The following PAQR5 variants were observed in gnomAD, a reference collection of about 807,000 sequenced individuals.
The protein encoded by PAQR5 is membrane progestin receptor gamma.
Under a neutral mutation model 34.5 loss-of-function variants are expected in PAQR5, and 20 were observed. The ratio of observed to expected loss-of-function variants is 0.58; its 90% CI spans 0.41 to 0.84. The LOEUF (loss-of-function observed/expected upper bound fraction) is 0.84. Among genes scored for constraint, PAQR5 ranks in the 40% least tolerant of loss-of-function variants. The pLI is 0.00. For synonymous variants in PAQR5, 131 were observed against 155.6 expected (o/e 0.84, Z 1.18); for missense variants, 378 against 412.7 (o/e 0.92, Z 0.73).
chr15:69,340,903 C>T (rs2054623826), intron 2 of PAQR5, among the ~76,000 whole-genome samples: 1 of 151,900 alleles, frequency 6.6e-6, no homozygotes, highest in Non-Finnish European at 1.5e-5. Flanking sequence ...TATTTTTTTT[C>T]TGGAAGATTT....
At chr15:69,359,378 G>A (rs8030449) in intron 2 of PAQR5, among the ~76,000 whole-genome samples, 12,938 of 152,110 alleles carry the variant, frequency 0.085, 865 homozygotes, top group African/African-American at 0.17. Flanking sequence ...TTATTTGGCC[G>A]GGGGGCATCA....
intron 1 of PAQR5, among the ~76,000 whole-genome samples, chr15:69,320,362 C>T (rs2054065333): frequency 6.6e-6 from 1 of 152,212 alleles, no homozygotes. Context: ...CCTTGGTGAG[C>T]TGGATTTAAA....
chr15:69,311,037 G>T (rs28433616), intron 1 of PAQR5, among the ~76,000 whole-genome samples: 5,977 of 25,144 alleles, frequency 0.24, 595 homozygotes, highest in African/African-American at 0.46. Context: ...AGACTCCGTC[G>T]CAAAAAATAA....
chr15:69,336,736 AAGAG>A (rs1205662152), intron 1 of PAQR5, among the ~76,000 whole-genome samples: 1 of 152,226 alleles, frequency 6.6e-6, no homozygotes, highest in Non-Finnish European at 1.5e-5. Flanking sequence ...TTTCAAAAGA[AAGAG>A]AGAATGGTGT....
In PAQR5 at chr15:69,357,254, G is replaced by GTGTTTGTTTGTTTGTT. The variant is rs3084830; in HGVS notation, c.-115-2702_-115-2687dup. Among the ~76,000 whole-genome samples, 436 of 149,476 alleles carry GTGTTTGTTTGTTTGTT rather than the reference G, an allele frequency of 2.9e-3. 3 individuals are homozygous for GTGTTTGTTTGTTTGTT. Among genetic ancestry groups the GTGTTTGTTTGTTTGTT allele is most frequent in the African/African-American group, 8.4e-3 (334 of 39,784 alleles). ...TCTTTATAAATTACCCAGTCTCAGG[G>GTGTTTGTTTGTTTGTT]TGTTTGTTTGTTTGTTTGTTTGTTT... On this transcript the variant is annotated intron_variant, in intron 2 of 8. Transcript: ENST00000395407.
At chr15:69,369,255 G>T (rs1426510433) in intron 3 of PAQR5, among the ~76,000 whole-genome samples, 1 of 152,120 alleles carries the variant, frequency 6.6e-6, no homozygotes, top group Non-Finnish European at 1.5e-5. Flanking sequence ...TAGAAATCCG[G>T]CTGGGTGTGG....
chr15:69,299,019 G>C lies in PAQR5; in HGVS notation c.-314G>C, dbSNP rs968550778. 6.6e-6 allele frequency: 1 copy of C among 152,028 alleles called. No individual in the cohort carries two copies. Among genetic ancestry groups the C allele is most frequent in the Admixed American group, 6.5e-5 (1 of 15,268 alleles). The allele number at this position is 152,028 out of a possible 1,614,324, so 9.4% of individuals were successfully genotyped here. A position where few individuals can be genotyped will look rare whatever the true frequency, so the allele number is the denominator to read the frequency against. On this transcript the variant is annotated 5_prime_UTR_variant, in exon 1 of 9. Coordinates refer to ENST00000395407, the MANE Select transcript of PAQR5 (RefSeq NM_017705.4). ...TCCGGCCTGCCTGTGCTGTCCCCGC[G>C]CCCTGTCCACTGGACTCCCGAGACC...
At position 69,372,443 on chromosome 15, in the gene PAQR5, T is replaced by G. The variant is rs188090698; in HGVS notation, c.52-7440T>G. On this transcript the variant is annotated intron_variant, in intron 3 of 8. Coordinates refer to ENST00000395407, the MANE Select transcript of PAQR5 (RefSeq NM_017705.4). Reference sequence around the variant, plus strand: ...CTGTAATTCCAGCTACTCAGGAGGATGAGGCAGGAGAATCACTTGAATTCG... The same window carrying G: ...CTGTAATTCCAGCTACTCAGGAGGAGGAGGCAGGAGAATCACTTGAATTCG... Among the ~76,000 whole-genome samples, 7 of 152,246 alleles carry G rather than the reference T, an allele frequency of 4.6e-5. No individual in the cohort carries two copies. The East Asian group carries it at 1.4e-3, about 29-fold the overall frequency.
At position 69,353,540 on chromosome 15, in the gene PAQR5, C is replaced by G. The variant is rs985798525; in HGVS notation, c.-115-6426C>G. Among the ~76,000 whole-genome samples the G allele has an allele frequency of 3.2e-4, 49 of 152,302 alleles. 1 individual carries two copies. The highest frequency in any genetic ancestry group is 2.4e-4 in the Non-Finnish European group (16 of 68,022). ...CTGGCTTGACAGAACAGTAGAATGG[C>G]CTTTTGAAGTCATAATTACAGAGCC... On this transcript the variant is annotated intron_variant, in intron 2 of 8. Transcript: ENST00000395407.
At chr15:69,393,305 G>A (rs2056322588) in intron 6 of PAQR5, among the ~76,000 whole-genome samples, 2 of 152,272 alleles carry the variant, frequency 1.3e-5, no homozygotes, top group South Asian at 2.1e-4. Flanking sequence ...GGTGTCTGGA[G>A]AGTGAGAAAG....
chr15:69,385,858 C>T lies in PAQR5; in HGVS notation c.385+976C>T, dbSNP rs541109357. On this transcript the variant is annotated intron_variant, in intron 5 of 8. Transcript: ENST00000395407. This position sits in a 1 kb window ranked among gnomAD's most constrained non-coding sequence, Gnocchi z 4.7. ...CATATACACAATACACTTACATGCA[C>T]ACACACACACCACATGCCACATGTA... 5.5e-4 allele frequency among the ~76,000 whole-genome samples: 83 copies of T among 151,378 alleles called. No homozygotes were observed. The highest frequency in any genetic ancestry group is 1.9e-3 in the African/African-American group (80 of 41,276).
intron 1 of PAQR5, among the ~76,000 whole-genome samples, chr15:69,317,067 G>A (rs112724095): frequency 1.3e-5 from 2 of 152,156 alleles, no homozygotes; most frequent in Non-Finnish European, 2.9e-5. Flanking sequence ...TGATCTGCCC[G>A]CCTCAGCCCC....
At chr15:69,342,895 G>A (rs1380038742) in intron 2 of PAQR5, among the ~76,000 whole-genome samples, 2 of 152,218 alleles carry the variant, frequency 1.3e-5, no homozygotes, top group East Asian at 3.8e-4. Context: ...AAAGAAGCCA[G>A]CTCCTCCTAC....
chr15:69,377,791 C>T (rs1445099015), intron 3 of PAQR5, among the ~76,000 whole-genome samples: 1 of 152,158 alleles, frequency 6.6e-6, no homozygotes, highest in Admixed American at 6.5e-5. Context: ...CAGCCCCTCA[C>T]CTTCTGCACT....
At chr15:69,330,450 C>T (rs369837692) in intron 1 of PAQR5, among the ~76,000 whole-genome samples, 11 of 152,182 alleles carry the variant, frequency 7.2e-5, no homozygotes, top group African/African-American at 2.4e-4. Flanking sequence ...AGGAGTCATG[C>T]AGTTGGAGGC....
chr15:69,302,931 C>G (rs1281383351), intron 1 of PAQR5, among the ~76,000 whole-genome samples: 3 of 152,178 alleles, frequency 2.0e-5, no homozygotes, highest in African/African-American at 7.2e-5. Context: ...GCCATGTCCC[C>G]CTGCTTCTTC....
chr15:69,327,368 CCTT>C (rs2140646135), intron 1 of PAQR5, among the ~76,000 whole-genome samples: 1 of 152,188 alleles, frequency 6.6e-6, no homozygotes, highest in South Asian at 2.1e-4. Context: ...GTGTGCCCCT[CCTT>C]CTCATTGTAG....
At chr15:69,383,243 C>G (rs2055961680) in intron 4 of PAQR5, among the ~76,000 whole-genome samples, 9 of 130,804 alleles carry the variant, frequency 6.9e-5, no homozygotes, top group Middle Eastern at 3.9e-3. Flanking sequence ...AGCAGGTCCT[C>G]CATGTTCATC....
intron 1 of PAQR5, among the ~76,000 whole-genome samples, chr15:69,311,038 C>CCAA (rs2053822007): frequency 1.4e-4 from 5 of 36,122 alleles, no homozygotes; most frequent in African/African-American, 4.0e-4. Flanking sequence ...GACTCCGTCG[C>CCAA]AAAAAATAAA....
Sources: gnomAD v4.1 joint callset for allele counts (sites outside exome capture counted in the v4.1 genomes callset) on GRCh38, gnomAD v4.1.1 for gene constraint, Gnocchi (gnomAD v3.1) non-coding constraint, MANE v1.5 for transcripts, NCBI Gene and HGNC (gene_info 2026-07-23, HGNC 2026-07-21) for gene names.